RAB31: variants seen among roughly 807,000 people sequenced by gnomAD.
RAB31 encodes the protein RAB31, member RAS oncogene family.
A neutral mutation model predicts 25.6 loss-of-function variants in RAB31; 21 were observed. The observed-to-expected ratio is 0.82, with a 90% CI of 0.58 to 1.18. The LOEUF (loss-of-function observed/expected upper bound fraction) is 1.18. Among genes scored for constraint, RAB31 ranks in the 50% most tolerant of loss-of-function variants. The pLI, the probability that RAB31 is intolerant of heterozygous loss-of-function variation, is 0.00. For missense variants in RAB31, 196 were observed against 250.1 expected (o/e 0.78, Z 1.46); for synonymous variants, 87 against 84.0 (o/e 1.04, Z -0.20).
intron 1 of RAB31, among the ~76,000 whole-genome samples, chr18:9,725,082 T>C (rs1316434946): frequency 6.6e-6 from 1 of 152,158 alleles, no homozygotes; most frequent in African/African-American, 2.4e-5. Flanking sequence ...GCATGGAGTC[T>C]CAGGGTGGCC....
intron 3 of RAB31, among the ~76,000 whole-genome samples, chr18:9,811,574 A>G (rs562751313): frequency 3.3e-5 from 5 of 152,180 alleles, no homozygotes; most frequent in Non-Finnish European, 7.3e-5. Context: ...TTTGTTCAAA[A>G]CTTAAAAACC....
chr18:9,835,415 G>A (rs747784804), intron 5 of RAB31, among the ~76,000 whole-genome samples: 2 of 151,554 alleles, frequency 1.3e-5, no homozygotes, highest in Non-Finnish European at 2.9e-5. Flanking sequence ...CAAAGGAATG[G>A]CCAAGTCCCC....
At chr18:9,712,341 C>T (rs945102186) in intron 1 of RAB31, among the ~76,000 whole-genome samples, 12 of 152,202 alleles carry the variant, frequency 7.9e-5, no homozygotes, top group South Asian at 6.2e-4. Context: ...CCTTTGTGAA[C>T]GCCCTTTCCT....
chr18:9,857,540 C>A (rs2068822567), intron 6 of RAB31, among the ~76,000 whole-genome samples: 2 of 150,610 alleles, frequency 1.3e-5, no homozygotes, highest in South Asian at 4.2e-4. Flanking sequence ...TAAATCAATA[C>A]CACAACCAAA....
rs905086726 is a variant in RAB31 at position 9,830,058 on chromosome 18, G to A, written c.380+14836G>A. Reference sequence around the variant, plus strand: ...AGATAGGGTCTTACGTAGTTGCCCAGCTGGAGTGCATAGCTCACTGCAGCC... The same window carrying A: ...AGATAGGGTCTTACGTAGTTGCCCAACTGGAGTGCATAGCTCACTGCAGCC... On this transcript the variant is annotated intron_variant, in intron 5 of 6. Transcript: ENST00000578921. Among the ~76,000 whole-genome samples, 3 of 151,766 alleles carry A rather than the reference G, an allele frequency of 2.0e-5. No individual in the cohort carries two copies. The South Asian group carries it at 6.3e-4, about 32-fold the overall frequency.
At chr18:9,780,207 A>T (rs2068395046) in intron 2 of RAB31, among the ~76,000 whole-genome samples, 1 of 151,604 alleles carries the variant, frequency 6.6e-6, no homozygotes. Flanking sequence ...TGTTCACTCT[A>T]AAAAAAACCC....
chr18:9,721,804 A>G (rs2068074985), intron 1 of RAB31, among the ~76,000 whole-genome samples: 1 of 152,100 alleles, frequency 6.6e-6, no homozygotes, highest in Non-Finnish European at 1.5e-5. Context: ...CAGGCGGTGC[A>G]CAAATACCGA....
At chr18:9,717,817 T>G (rs746489425) in intron 1 of RAB31, among the ~76,000 whole-genome samples, 2 of 152,236 alleles carry the variant, frequency 1.3e-5, no homozygotes, top group South Asian at 2.1e-4. Context: ...TGTTTGTTTG[T>G]TTTTTAAATA....
At chr18:9,820,259 T>C (rs894561845) in intron 5 of RAB31, among the ~76,000 whole-genome samples, 1 of 152,124 alleles carries the variant, frequency 6.6e-6, no homozygotes, top group African/African-American at 2.4e-5. Flanking sequence ...CATGACTGAA[T>C]GTTGGATTTT....
chr18:9,726,426 T>C, intron 1 of RAB31, among the ~76,000 whole-genome samples: 1 of 152,216 alleles, frequency 6.6e-6, no homozygotes, highest in East Asian at 1.9e-4. Context: ...TGGCAAATCA[T>C]GTAATCTCTG....
chr18:9,839,381 G>T (rs1482356559), intron 5 of RAB31, among the ~76,000 whole-genome samples: 2 of 152,206 alleles, frequency 1.3e-5, no homozygotes, highest in East Asian at 1.9e-4. Flanking sequence ...GCAATCAGAA[G>T]ATGTTGGAGA....
intron 5 of RAB31, among the ~76,000 whole-genome samples, chr18:9,823,755 A>G (rs1378632015): frequency 6.6e-6 from 1 of 152,212 alleles, no homozygotes; most frequent in East Asian, 1.9e-4. Context: ...CACTGGGCCA[A>G]ATGATTAAAT....
intron 5 of RAB31, among the ~76,000 whole-genome samples, chr18:9,821,800 A>G (rs1409354837): frequency 2.6e-5 from 4 of 152,192 alleles, no homozygotes; most frequent in Non-Finnish European, 4.4e-5. Flanking sequence ...TGTTGATGAA[A>G]GAAGTCATGT....
chr18:9,860,312 G>A lies in RAB31; in HGVS notation c.*987G>A, dbSNP rs938421260. On this transcript the variant is annotated 3_prime_UTR_variant, in exon 7 of 7. Coordinates refer to ENST00000578921, the MANE Select transcript of RAB31 (RefSeq NM_006868.4). Reference sequence around the variant, plus strand: ...TAATAGGTTACAGGAAAGCCAGCCAGAGGAAGTGTCAGCACTTTAAAATTC... The same window carrying A: ...TAATAGGTTACAGGAAAGCCAGCCAAAGGAAGTGTCAGCACTTTAAAATTC... The A allele has an allele frequency of 2.0e-5, 3 of 152,184 alleles. No homozygotes were observed. The highest frequency in any genetic ancestry group is 7.2e-5 in the African/African-American group (3 of 41,454). 9.4% of individuals were successfully genotyped at this position (152,184 alleles called of 1,614,324 possible).
At chr18:9,824,292 ATG>A (rs1458003221) in intron 5 of RAB31, among the ~76,000 whole-genome samples, 1 of 80,908 alleles carries the variant, frequency 1.2e-5, no homozygotes, top group Non-Finnish European at 3.2e-5. Context: ...ATGTGTGTGT[ATG>A]TGTGTGTAGA....
intron 2 of RAB31, among the ~76,000 whole-genome samples, chr18:9,783,070 T>C (rs560372392): frequency 6.6e-6 from 1 of 152,216 alleles, no homozygotes; most frequent in East Asian, 1.9e-4. Flanking sequence ...TGGCGAGAGA[T>C]CAGGAACACA....
intron 5 of RAB31, among the ~76,000 whole-genome samples, chr18:9,842,462 G>A (rs759314435): frequency 1.3e-5 from 2 of 152,120 alleles, no homozygotes; most frequent in Non-Finnish European, 2.9e-5. Context: ...GAACTGTGCC[G>A]GGAACCAGGG....
In RAB31 at chr18:9,712,960, A is replaced by G. The variant is rs192969018; in HGVS notation, c.39+4516A>G. Among the ~76,000 whole-genome samples, 180 of 152,354 alleles carry G rather than the reference A, an allele frequency of 1.2e-3. 2 individuals carry two copies. The highest frequency in any genetic ancestry group is 4.2e-3 in the African/African-American group (176 of 41,576). On this transcript the variant is annotated intron_variant, in intron 1 of 6. Transcript: ENST00000578921. The stretch of plus-strand genomic sequence containing the variant: ...TATGGTGGCTCATTAAAGAGCAGTC[A>G]AATACCTGGGATTTGGTGAGACATC...
chr18:9,721,668 A>G (rs1277293157), intron 1 of RAB31, among the ~76,000 whole-genome samples: 1 of 151,594 alleles, frequency 6.6e-6, no homozygotes, highest in Non-Finnish European at 1.5e-5. Flanking sequence ...GTGATTCTGC[A>G]GCACATGCAG....
Sources: allele counts gnomAD v4.1 joint callset (sites outside exome capture counted in the v4.1 genomes callset), GRCh38; gene constraint gnomAD v4.1.1; transcripts MANE v1.5; gene names NCBI Gene and HGNC (gene_info 2026-07-23, HGNC 2026-07-21).